Variants in AGBL1 observed in about 807,000 individuals in gnomAD.
AGBL1 encodes the protein AGBL carboxypeptidase 1.
A neutral mutation model predicts 118.9 loss-of-function variants in AGBL1; 130 were observed. That is an observed-to-expected ratio of 1.09 (90% CI 0.95 to 1.26). The LOEUF (loss-of-function observed/expected upper bound fraction) is 1.26, where lower values mean the gene tolerates loss of function less well. Among genes scored for constraint, AGBL1 ranks in the 50% most tolerant of loss-of-function variants. AGBL1 has a pLI of 0.00. For missense variants in AGBL1, 1,584 were observed against 1,298.1 expected (o/e 1.22, Z -3.38); for synonymous variants, 555 against 478.9 (o/e 1.16, Z -2.08).
At chr15:86,354,217 G>A (rs146976296) in intron 17 of AGBL1, among the ~76,000 whole-genome samples, 1 of 152,202 alleles carries the variant, frequency 6.6e-6, no homozygotes, top group Non-Finnish European at 1.5e-5. Context: ...TTGCTCCAAG[G>A]TATGGTTCAG....
chr15:86,912,062 A>G lies in AGBL1; in HGVS notation c.*4768A>G, dbSNP rs2080359318. 1 of 152,150 alleles carries G rather than the reference A, an allele frequency of 6.6e-6. No homozygotes were observed. Among genetic ancestry groups the G allele is most frequent in the Non-Finnish European group, 1.5e-5 (1 of 68,036 alleles). The allele number at this position is 152,150 out of a possible 1,614,324, so 9.4% of individuals were successfully genotyped here. A position where few individuals can be genotyped will look rare whatever the true frequency, so the allele number is the denominator to read the frequency against. On this transcript the variant is annotated 3_prime_UTR_variant, in exon 23 of 23. Transcript: ENST00000614907. Reference sequence around the variant, plus strand: ...CCCTCAGCTTCAAACTCAGACATCCAATGTTTCAATGAAATCTCACTTATT... The same window carrying G: ...CCCTCAGCTTCAAACTCAGACATCCGATGTTTCAATGAAATCTCACTTATT...
chr15:86,832,139 C>T (rs1414597985), intron 22 of AGBL1, among the ~76,000 whole-genome samples: 2 of 152,198 alleles, frequency 1.3e-5, no homozygotes, highest in Non-Finnish European at 2.9e-5. Context: ...GGCACTGGGC[C>T]AGGCCCATGA....
intron 21 of AGBL1, among the ~76,000 whole-genome samples, chr15:86,597,741 C>T (rs2084432255): frequency 6.6e-6 from 1 of 152,058 alleles, no homozygotes; most frequent in African/African-American, 2.4e-5. Flanking sequence ...GGCAGAGATG[C>T]AGAAGCAGTT....
At chr15:86,763,751 T>C (rs1311758331) in intron 22 of AGBL1, among the ~76,000 whole-genome samples, 35 of 152,062 alleles carry the variant, frequency 2.3e-4, no homozygotes, top group Admixed American at 2.2e-3. Context: ...CAAGTTACAA[T>C]TGGTTTCTTT....
At chr15:86,717,848 G>A (rs2086660787) in intron 22 of AGBL1, among the ~76,000 whole-genome samples, 1 of 152,162 alleles carries the variant, frequency 6.6e-6, no homozygotes. Context: ...GGGAGGCTGA[G>A]GCAGACAGAT....
At chr15:86,488,478 A>G (rs967361783) in intron 18 of AGBL1, among the ~76,000 whole-genome samples, 1 of 152,066 alleles carries the variant, frequency 6.6e-6, no homozygotes, top group Non-Finnish European at 1.5e-5. Flanking sequence ...GGGTGACGTG[A>G]TGGTAAGGTA....
intron 22 of AGBL1, among the ~76,000 whole-genome samples, chr15:86,687,316 C>T (rs925642801): frequency 4.6e-5 from 7 of 152,036 alleles, no homozygotes; most frequent in African/African-American, 1.7e-4. Context: ...AGTAACTGCC[C>T]TCACCTGTTT....
intron 22 of AGBL1, among the ~76,000 whole-genome samples, chr15:86,850,262 A>G (rs1004696814): frequency 2.7e-5 from 4 of 149,474 alleles, no homozygotes; most frequent in Non-Finnish European, 6.0e-5. Context: ...GGCTATGGAC[A>G]TTACTTATTC....
At chr15:86,794,650 A>C (rs543828677) in intron 22 of AGBL1, among the ~76,000 whole-genome samples, 3 of 152,270 alleles carry the variant, frequency 2.0e-5, no homozygotes, top group African/African-American at 7.2e-5. Flanking sequence ...AAAAAAAAAC[A>C]TGCAGGGTCT....
At chr15:86,590,219 T>C (rs2084314811) in intron 21 of AGBL1, among the ~76,000 whole-genome samples, 1 of 152,172 alleles carries the variant, frequency 6.6e-6, no homozygotes, top group Admixed American at 6.5e-5. Flanking sequence ...AGACTTGGTT[T>C]GTGATATGGT....
At chr15:86,403,848 A>G (rs1171095413) in intron 18 of AGBL1, among the ~76,000 whole-genome samples, 1 of 152,198 alleles carries the variant, frequency 6.6e-6, no homozygotes, top group East Asian at 1.9e-4. Flanking sequence ...CTTGCAGGGC[A>G]GATTCTTGTA....
intron 18 of AGBL1, among the ~76,000 whole-genome samples, chr15:86,419,488 C>A (rs1234154442): frequency 1.3e-5 from 2 of 152,082 alleles, no homozygotes; most frequent in Non-Finnish European, 2.9e-5. Context: ...CCCTTGGGTG[C>A]CTACACCACC....
At chr15:86,831,235 C>G (rs1266985665) in intron 22 of AGBL1, among the ~76,000 whole-genome samples, 1 of 152,154 alleles carries the variant, frequency 6.6e-6, no homozygotes, top group Non-Finnish European at 1.5e-5. Flanking sequence ...TGGGTGCAGA[C>G]AGAGCCAAAC....
intron 17 of AGBL1, among the ~76,000 whole-genome samples, chr15:86,327,648 A>G (rs749040051): frequency 5.9e-5 from 9 of 152,310 alleles, no homozygotes; most frequent in Non-Finnish European, 1.2e-4. Context: ...CTATACACGA[A>G]CCATTGTGAG....
intron 21 of AGBL1, among the ~76,000 whole-genome samples, chr15:86,571,158 G>T (rs1250996767): frequency 6.6e-6 from 1 of 152,138 alleles, no homozygotes; most frequent in Non-Finnish European, 1.5e-5. Flanking sequence ...GCCAGGAACT[G>T]CTGGGGGCCC....
rs113251558 is a variant in AGBL1 at position 86,687,701 on chromosome 15, G to T, written c.3158+13265G>T. ...AAGTTGCTATGGAGTAGATTGATGG[G>T]AATTCTTAAATCTGCACGTTTTTGT... On this transcript the variant is annotated intron_variant, in intron 22 of 22. Coordinates refer to ENST00000614907, the MANE Select transcript of AGBL1 (RefSeq NM_001386094.1). Among the ~76,000 whole-genome samples the T allele has an allele frequency of 3.5e-4, 54 of 152,248 alleles. 1 individual carries two copies. The highest frequency in any genetic ancestry group is 1.3e-3 in the African/African-American group (52 of 41,554).
At chr15:86,174,686 T>G (rs1269903119) in intron 5 of AGBL1, among the ~76,000 whole-genome samples, 1 of 152,114 alleles carries the variant, frequency 6.6e-6, no homozygotes, top group Non-Finnish European at 1.5e-5. Context: ...CCTAATTTGT[T>G]AAGAGTTTTT....
At chr15:86,995,562 C>T (rs2081372347) in intron 24 of AGBL1, among the ~76,000 whole-genome samples, 1 of 151,900 alleles carries the variant, frequency 6.6e-6, no homozygotes, top group African/African-American at 2.4e-5. Flanking sequence ...TTCAAAAAGC[C>T]CTGAAGATTA....
intron 17 of AGBL1, among the ~76,000 whole-genome samples, chr15:86,349,449 T>C (rs1370041934): frequency 6.6e-6 from 1 of 152,226 alleles, no homozygotes; most frequent in Admixed American, 6.5e-5. Context: ...GAGGTGTTTC[T>C]ATGTTTGCAA....
Sources: allele counts gnomAD v4.1 joint callset (sites outside exome capture counted in the v4.1 genomes callset), GRCh38; gene constraint gnomAD v4.1.1; transcripts MANE v1.5; gene names NCBI Gene and HGNC (gene_info 2026-07-23, HGNC 2026-07-21).